ZNF516: variants seen among roughly 807,000 people sequenced by gnomAD.
ZNF516 encodes zinc finger protein 516.
ZNF516 carries 19 observed loss-of-function variants against 79.7 expected under a neutral mutation model. The observed-to-expected ratio is 0.24, with a 90% CI of 0.17 to 0.35. The LOEUF is 0.35. Ranked by LOEUF, ZNF516 falls within the 10% of genes least tolerant of loss-of-function variation. The pLI is 1.00. For missense variants in ZNF516, 1,678 were observed against 1,679.5 expected (o/e 1.00, Z 0.02); for synonymous variants, 877 against 739.5 (o/e 1.19, Z -3.02).
rs541640746 is a variant in ZNF516, at chr18:76,490,974, C to G, written c.-272+4170G>C. 11 of 985,304 alleles carry G rather than the reference C, an allele frequency of 1.1e-5. No homozygotes were observed. The African/African-American group carries it at 1.9e-4, about 17-fold the overall frequency. 61.0% of individuals were successfully genotyped at this position (985,304 alleles called of 1,614,324 possible). A position where few individuals can be genotyped will look rare whatever the true frequency, so the allele number is the denominator to read the frequency against. Reference sequence around the variant, plus strand: ...ACACACGCAGAACACAAAACCCCCACGCAGCAGCCCCTCGCGAGGCGCCCC... The same window carrying G: ...ACACACGCAGAACACAAAACCCCCAGGCAGCAGCCCCTCGCGAGGCGCCCC... On this transcript the variant is annotated intron_variant, in intron 1 of 6. Coordinates refer to ENST00000443185, the MANE Select transcript of ZNF516 (RefSeq NM_014643.4).
chr18:76,369,721 G>C (rs543810099), intron 6 of ZNF516, among the ~76,000 whole-genome samples: 1 of 152,246 alleles, frequency 6.6e-6, no homozygotes, highest in South Asian at 2.1e-4. Flanking sequence ...GACACGGCTT[G>C]ACTCTCACGG....
intron 1 of ZNF516, chr18:76,488,258 A>G (rs1914947302): frequency 4.1e-6 from 4 of 984,922 alleles, no homozygotes; most frequent in African/African-American, 1.7e-5. Context: ...AGCTAAATAC[A>G]GTAATAAAAT....
At chr18:76,408,936 C>T (rs961681063) in intron 3 of ZNF516, among the ~76,000 whole-genome samples, 3 of 152,152 alleles carry the variant, frequency 2.0e-5, no homozygotes, top group African/African-American at 7.2e-5. Flanking sequence ...ACTGAGGTTC[C>T]GCCCCCACTC....
At chr18:76,422,255 C>G (rs2075518238) in intron 3 of ZNF516, among the ~76,000 whole-genome samples, 2 of 152,070 alleles carry the variant, frequency 1.3e-5, no homozygotes, top group African/African-American at 2.4e-5. Context: ...ACAGCTCCTG[C>G]CACAGCCACG....
rs529439193 is a variant in ZNF516, at chr18:76,452,598, C to G, written c.-157-9387G>C. 1.4e-4 allele frequency among the ~76,000 whole-genome samples: 21 copies of G among 152,312 alleles called. No homozygotes were observed. In the South Asian group the frequency reaches 4.1e-3, roughly 30 times the overall value. On this transcript the variant is annotated intron_variant, in intron 2 of 6. Coordinates refer to ENST00000443185, the MANE Select transcript of ZNF516 (RefSeq NM_014643.4). The stretch of plus-strand genomic sequence containing the variant: ...TTACCTTTTATGCAGTTGTTTACCA[C>G]AAACTGTCAAAAAACCCAAATTAAT...
At chr18:76,408,817 T>A (rs991289581) in intron 3 of ZNF516, among the ~76,000 whole-genome samples, 8 of 152,242 alleles carry the variant, frequency 5.3e-5, no homozygotes, top group African/African-American at 1.9e-4. Flanking sequence ...CATTTTCCTA[T>A]GAAATACTTA....
chr18:76,358,383 C>T lies in ZNF516; in HGVS notation c.*4115G>A, dbSNP rs2074485684. The T allele has an allele frequency of 6.6e-6, 1 of 152,064 alleles. No homozygotes were observed. The highest frequency in any genetic ancestry group is 6.5e-5 in the Admixed American group (1 of 15,272). 9.4% of individuals were successfully genotyped at this position (152,064 alleles called of 1,614,324 possible). Reference sequence around the variant, plus strand: ...AAATTGTATTTTAAAAAAAGAAATACAAATTCTATGGTCTTTTGCATTTTA... The same window carrying T: ...AAATTGTATTTTAAAAAAAGAAATATAAATTCTATGGTCTTTTGCATTTTA... On this transcript the variant is annotated 3_prime_UTR_variant, in exon 7 of 7. Transcript: ENST00000443185.
chr18:76,444,356 G>A (rs566144690), intron 2 of ZNF516, among the ~76,000 whole-genome samples: 6 of 152,222 alleles, frequency 3.9e-5, no homozygotes, highest in Non-Finnish European at 7.4e-5. Flanking sequence ...TTCTGGGGCC[G>A]GCTCCAGACC....
chr18:76,496,158 G>C, upstream of ZNF516: 2 of 827,508 alleles, frequency 2.4e-6, no homozygotes, highest in Non-Finnish European at 3.3e-6. Context: ...GGGAGGGCGG[G>C]CGCGCGGGGG....
In ZNF516 at chr18:76,441,606, C is replaced by T. The variant is rs1175672156; in HGVS notation, c.1449G>A (p.Gly483=). ...AQGPPRKRAS[G]PGDPAPAGHL... ...GGCCGGCGGGCGCGGGGTCCCCAGG[C>T]CCGCTCGCGCGCTTCCGCGGGGGCC... is the stretch of plus-strand genomic sequence containing the variant. The change falls in exon 3 of 7, where the codon GGG becomes GGA. Residue 483 remains glycine, a synonymous_variant. Coordinates refer to ENST00000443185, the MANE Select transcript of ZNF516 (RefSeq NM_014643.4). The T allele has an allele frequency of 7.4e-6, 11 of 1,478,558 alleles. No homozygotes were observed. The highest frequency in any genetic ancestry group is 9.8e-6 in the Non-Finnish European group (11 of 1,116,950). The allele number at this position is 1,478,558 out of a possible 1,614,324, so 91.6% of individuals were successfully genotyped here.
At chr18:76,369,966 A>G (rs2074675982) in intron 6 of ZNF516, among the ~76,000 whole-genome samples, 1 of 152,182 alleles carries the variant, frequency 6.6e-6, no homozygotes, top group East Asian at 1.9e-4. Context: ...CCAGGGTCCC[A>G]CACACTCAGT....
chr18:76,483,739 T>C (rs1914665626), intron 1 of ZNF516, among the ~76,000 whole-genome samples: 1 of 152,224 alleles, frequency 6.6e-6, no homozygotes, highest in East Asian at 1.9e-4. Context: ...ATTTACTCTC[T>C]TATAAAAATA....
chr18:76,412,920 G>A (rs1174583881), intron 3 of ZNF516, among the ~76,000 whole-genome samples: 2 of 152,090 alleles, frequency 1.3e-5, no homozygotes, highest in Non-Finnish European at 2.9e-5. Context: ...TCTGAGTCCC[G>A]CCATAACCTA....
At chr18:76,400,570 T>A (rs2075205424) in intron 3 of ZNF516, among the ~76,000 whole-genome samples, 1 of 152,218 alleles carries the variant, frequency 6.6e-6, no homozygotes, top group Non-Finnish European at 1.5e-5. Context: ...TGGTTGAGTG[T>A]GGATTATAAA....
intron 3 of ZNF516, among the ~76,000 whole-genome samples, chr18:76,421,270 T>C (rs1344538255): frequency 6.6e-6 from 1 of 152,136 alleles, no homozygotes; most frequent in Non-Finnish European, 1.5e-5. Context: ...AGTTCAGAAG[T>C]CATAAACCTC....
intron 3 of ZNF516, among the ~76,000 whole-genome samples, chr18:76,404,565 T>C (rs2075276058): frequency 1.3e-5 from 2 of 150,850 alleles, no homozygotes; most frequent in South Asian, 4.2e-4. Flanking sequence ...TGTGTTTGTA[T>C]GTTTGTGAGT....
intron 3 of ZNF516, among the ~76,000 whole-genome samples, chr18:76,402,265 G>A (rs139577332): frequency 8.4e-4 from 128 of 152,282 alleles, no homozygotes; most frequent in African/African-American, 2.9e-3. Context: ...GGGCTGTCCC[G>A]CGCAGCTGCC....
chr18:76,390,763 G>A (rs938569135), intron 3 of ZNF516, among the ~76,000 whole-genome samples: 8 of 152,144 alleles, frequency 5.3e-5, no homozygotes, highest in Non-Finnish European at 4.4e-5. Context: ...CAGAAGCACC[G>A]AGCGGCGGTG....
intron 3 of ZNF516, among the ~76,000 whole-genome samples, chr18:76,397,120 G>C (rs572025639): frequency 1.8e-4 from 28 of 152,306 alleles, no homozygotes; most frequent in Non-Finnish European, 2.9e-4. Flanking sequence ...AGCCCATCAG[G>C]AAGCCACAAG....
Sources: allele counts gnomAD v4.1 joint callset (sites outside exome capture counted in the v4.1 genomes callset), GRCh38; gene constraint gnomAD v4.1.1; transcripts MANE v1.5; gene names NCBI Gene and HGNC (gene_info 2026-07-23, HGNC 2026-07-21).